Variants in DAAM1 observed in about 807,000 individuals in gnomAD.
DAAM1 encodes the protein disheveled-associated activator of morphogenesis 1.
In DAAM1, 52 loss-of-function variants were observed where a neutral mutation model predicts 130.0. That is an observed-to-expected ratio of 0.40 (90% confidence interval 0.32 to 0.50). The LOEUF (loss-of-function observed/expected upper bound fraction) is 0.50. Ranked by LOEUF, DAAM1 falls within the 20% of genes least tolerant of loss-of-function variation. DAAM1 has a pLI of 0.61. For synonymous variants in DAAM1, 452 were observed against 444.5 expected (o/e 1.02, Z -0.21); for missense variants, 1,134 against 1,303.8 (o/e 0.87, Z 2.01).
chr14:59,312,369 A>G (rs2139601105), intron 3 of DAAM1, among the ~76,000 whole-genome samples: 1 of 152,346 alleles, frequency 6.6e-6, no homozygotes, highest in South Asian at 2.1e-4. Flanking sequence ...CAAAGATGCT[A>G]TGAGGAGGCA....
intron 2 of DAAM1, among the ~76,000 whole-genome samples, chr14:59,277,255 G>A (rs1883010554): frequency 1.3e-5 from 2 of 152,038 alleles, no homozygotes; most frequent in Non-Finnish European, 2.9e-5. Context: ...TCTAGCAAAT[G>A]AATCCATTTC....
intron 18 of DAAM1, among the ~76,000 whole-genome samples, chr14:59,352,955 T>C (rs548051649): frequency 1.3e-4 from 20 of 150,614 alleles, no homozygotes; most frequent in East Asian, 5.9e-4. Context: ...TGTCTCATAC[T>C]TCCAAGTAGC....
intron 3 of DAAM1, chr14:59,291,592 G>T (rs61986059): frequency 0.076 from 26,384 of 349,212 alleles, 1,200 homozygotes; most frequent in Non-Finnish European, 0.097. Flanking sequence ...CCAACCCTGC[G>T]CTTTACATAC....
intron 17 of DAAM1, among the ~76,000 whole-genome samples, chr14:59,350,931 C>T (rs891063848): frequency 6.6e-6 from 1 of 152,184 alleles, no homozygotes; most frequent in Non-Finnish European, 1.5e-5. Flanking sequence ...AAAACCAATG[C>T]CATGCTTCAG....
At chr14:59,215,378 T>A (rs1888544787) in intron 1 of DAAM1, among the ~76,000 whole-genome samples, 1 of 152,284 alleles carries the variant, frequency 6.6e-6, no homozygotes, top group South Asian at 2.1e-4. Flanking sequence ...AATGATTCTC[T>A]TGGTGCTTCT....
At chr14:59,330,762 A>C (rs1885397110) in intron 13 of DAAM1, 74 bp downstream of exon 13, 4 of 1,403,128 alleles carry the variant, frequency 2.9e-6, no homozygotes, top group Non-Finnish European at 3.8e-6. Context: ...CCTTAAGTAG[A>C]GAACTTCATA....
In DAAM1 at chr14:59,313,005, T is replaced by C. The variant is rs572840005; in HGVS notation, c.274-2275T>C. On this transcript the variant is annotated intron_variant, in intron 3 of 24. Coordinates refer to ENST00000360909, the MANE Select transcript of DAAM1 (RefSeq NM_001270520.2). ...TTGTCCATGAATATTCTCTTATAGATGTCTATTAACCTCCTAAGAAAAAGG... is the reference window on the plus strand; with the variant it reads ...TTGTCCATGAATATTCTCTTATAGACGTCTATTAACCTCCTAAGAAAAAGG... 2.4e-4 allele frequency among the ~76,000 whole-genome samples: 36 copies of C among 152,338 alleles called. 1 individual carries two copies. The highest frequency in any genetic ancestry group is 6.8e-3 in the Middle Eastern group (2 of 294).
chr14:59,266,203 T>C (rs945073656), intron 2 of DAAM1: 32 of 152,166 alleles, frequency 2.1e-4, no homozygotes, highest in African/African-American at 7.5e-4. Context: ...ACATAGGTGT[T>C]GCTGATAGCT....
At chr14:59,255,412 T>A (rs1881833847) in intron 1 of DAAM1, among the ~76,000 whole-genome samples, 1 of 152,180 alleles carries the variant, frequency 6.6e-6, no homozygotes, top group South Asian at 2.1e-4. Context: ...CTCCAAATAG[T>A]ATTTGGCATC....
At chr14:59,330,428 A>T (rs569419046) in intron 12 of DAAM1, 73 bp from the exon 13 acceptor site, 13 of 1,375,756 alleles carry the variant, frequency 9.4e-6, no homozygotes, top group Middle Eastern at 3.7e-4. Flanking sequence ...ATCCTCAGTC[A>T]ATTTTCTTTT....
At chr14:59,269,683 C>T (rs763094783) in intron 2 of DAAM1, among the ~76,000 whole-genome samples, 2 of 152,144 alleles carry the variant, frequency 1.3e-5, no homozygotes, top group Non-Finnish European at 2.9e-5. Flanking sequence ...GATTGCCTAA[C>T]CTAGTGTGAA....
At position 59,324,211 on chromosome 14, in the gene DAAM1, T is replaced by C. The variant is rs768895815; in HGVS notation, c.858T>C (p.Asn286=). The C allele has an allele frequency of 1.1e-5, 16 of 1,465,890 alleles. No homozygotes were observed. Among genetic ancestry groups the C allele is most frequent in the African/African-American group, 1.4e-5 (1 of 70,064 alleles). The allele number at this position is 1,465,890 out of a possible 1,614,324, so 90.8% of individuals were successfully genotyped here. A position where few individuals can be genotyped will look rare whatever the true frequency, so the allele number is the denominator to read the frequency against. ...AGACTGCCATCATGTCCTTCATTAA[T>C]GCAGTGCTCAGCCAAGGTGCAGGAG... is the stretch of plus-strand genomic sequence containing the variant. ...SLKTAIMSFI[N]AVLSQGAGVE... The change falls in exon 7 of 25, where the codon AAT becomes AAC. Residue 286 remains asparagine, a synonymous_variant. Coordinates refer to ENST00000360909, the MANE Select transcript of DAAM1 (RefSeq NM_001270520.2).
At chr14:59,252,632 T>C (rs1881699958) in intron 1 of DAAM1, among the ~76,000 whole-genome samples, 1 of 152,216 alleles carries the variant, frequency 6.6e-6, no homozygotes, top group Non-Finnish European at 1.5e-5. Context: ...CACACAGGAA[T>C]GTCAGAGAAA....
chr14:59,191,252 A>C (rs1445043786), intron 1 of DAAM1, among the ~76,000 whole-genome samples: 1 of 152,102 alleles, frequency 6.6e-6, no homozygotes, highest in African/African-American at 2.4e-5. Flanking sequence ...CATCCCCATG[A>C]GGAAACAGGA....
At chr14:59,197,897 A>G (rs1163674813) in intron 1 of DAAM1, among the ~76,000 whole-genome samples, 1 of 152,116 alleles carries the variant, frequency 6.6e-6, no homozygotes, top group Non-Finnish European at 1.5e-5. Context: ...TTCCCCCCTT[A>G]ACCCTCTAGC....
chr14:59,326,618 A>G lies in DAAM1; in HGVS notation c.1283A>G (p.Glu428Gly). The G allele has an allele frequency of 5.0e-6, 8 of 1,613,662 alleles. No homozygotes were observed. The highest frequency in any genetic ancestry group is 5.9e-6 in the Non-Finnish European group (7 of 1,179,884). Residue 428 changes from glutamate (E) to glycine (G), a missense_variant, in exon 11 of 25, where the codon GAA (glutamate) becomes GGA (glycine). Glu to Gly is a moderately conservative substitution (Grantham distance 98). This residue lies in a region of DAAM1 where 391 missense variants were observed against 521.6 expected (regional missense o/e 0.75). Transcript: ENST00000360909. Reference protein sequence around the residue: ...KGQDPDSTPLENFNIKNVVRM... With the variant: ...KGQDPDSTPLGNFNIKNVVRM... ...CAGGACCCTGACTCCACACCTTTGG[A>G]AAACTTTAATATTAAGAATGTCGTA... is the stretch of plus-strand genomic sequence containing the variant.
chr14:59,355,065 G>A, intron 19 of DAAM1, 100 bp from the exon 20 acceptor site: 1 of 1,454,474 alleles, frequency 6.9e-7, no homozygotes, highest in Non-Finnish European at 9.4e-7. Context: ...TTCAATATCT[G>A]TTATTAAGTG....
At chr14:59,197,162 C>T (rs1344214516) in intron 1 of DAAM1, among the ~76,000 whole-genome samples, 4 of 152,200 alleles carry the variant, frequency 2.6e-5, no homozygotes, top group South Asian at 2.1e-4. Context: ...CCTCGTGATC[C>T]GCCCGACTCA....
intron 2 of DAAM1, among the ~76,000 whole-genome samples, chr14:59,281,084 T>C (rs1207773568): frequency 6.6e-6 from 1 of 152,062 alleles, no homozygotes; most frequent in East Asian, 1.9e-4. Context: ...TCTGCAAGAG[T>C]TGACAGTCGA....
Sources: gnomAD v4.1 joint callset for allele counts (sites outside exome capture counted in the v4.1 genomes callset) on GRCh38, gnomAD v4.1.1 for gene constraint, gnomAD v4.1.1 regional missense constraint, MANE v1.5 for transcripts, NCBI Gene and HGNC (gene_info 2026-07-23, HGNC 2026-07-21) for gene names.